CHRNA9: variants seen among roughly 807,000 people sequenced by gnomAD.
CHRNA9 encodes cholinergic receptor nicotinic alpha 9 subunit.
In CHRNA9, 24 loss-of-function variants were observed where a neutral mutation model predicts 36.8. The ratio of observed to expected loss-of-function variants is 0.65; its 90% CI spans 0.47 to 0.92. CHRNA9 has a LOEUF of 0.92. Ranked by LOEUF, CHRNA9 falls within the 40% of genes least tolerant of loss-of-function variation. CHRNA9 has a pLI of 0.00. For synonymous variants in CHRNA9, 231 were observed against 231.8 expected (o/e 1.00, Z 0.03); for missense variants, 610 against 601.2 (o/e 1.01, Z -0.15).
chr4:40,339,629 G>T (rs1203458528), intron 3 of CHRNA9, among the ~76,000 whole-genome samples: 3 of 139,604 alleles, frequency 2.1e-5, no homozygotes, highest in Non-Finnish European at 3.0e-5. Flanking sequence ...TCGCGCTCCA[G>T]TCCAGCCTGG....
chr4:40,349,945 T>C (rs1316603625), intron 4 of CHRNA9: 1 of 156,608 alleles, frequency 6.4e-6, no homozygotes, highest in East Asian at 1.9e-4. Context: ...GGCAAGTTAC[T>C]TGTTCTCTTA....
chr4:40,353,897 G>C (rs1712870973), intron 4 of CHRNA9, 82 bp from the exon 5 acceptor site: 1 of 1,225,260 alleles, frequency 8.2e-7, no homozygotes. Context: ...TTCTCAGAAT[G>C]TATCCCTGTT....
At chr4:40,340,691 C>T (rs758301722) in intron 3 of CHRNA9, among the ~76,000 whole-genome samples, 1 of 152,068 alleles carries the variant, frequency 6.6e-6, no homozygotes, top group Non-Finnish European at 1.5e-5. Context: ...GATAAAGACA[C>T]TCAGGCAGGA....
At chr4:40,350,605 A>G (rs1712772414) in intron 4 of CHRNA9, among the ~76,000 whole-genome samples, 1 of 151,718 alleles carries the variant, frequency 6.6e-6, no homozygotes. Flanking sequence ...TTTACTCTTT[A>G]CTGAGTCCAG....
At chr4:40,339,051 G>T (rs1367961190) in intron 3 of CHRNA9, among the ~76,000 whole-genome samples, 1 of 152,134 alleles carries the variant, frequency 6.6e-6, no homozygotes, top group Non-Finnish European at 1.5e-5. Context: ...GCCAAGGCAG[G>T]TGGATCGCCT....
At chr4:40,336,549 TCA>T (rs1264664569) in intron 2 of CHRNA9, among the ~76,000 whole-genome samples, 3 of 152,122 alleles carry the variant, frequency 2.0e-5, no homozygotes. Flanking sequence ...TGATCTCCGC[TCA>T]CTGTAAGCTC....
intron 3 of CHRNA9, among the ~76,000 whole-genome samples, chr4:40,342,856 G>A (rs1712535849): frequency 6.6e-6 from 1 of 152,040 alleles, no homozygotes; most frequent in African/African-American, 2.4e-5. Flanking sequence ...GAGGGACCAA[G>A]GGAGGCAAAA....
At chr4:40,343,111 T>C (rs1712547413) in intron 3 of CHRNA9, among the ~76,000 whole-genome samples, 1 of 152,226 alleles carries the variant, frequency 6.6e-6, no homozygotes, top group South Asian at 2.1e-4. Flanking sequence ...TTTACCAGCC[T>C]GCTCCTCTCC....
chr4:40,352,791 G>A (rs1712839248), intron 4 of CHRNA9, among the ~76,000 whole-genome samples: 1 of 151,790 alleles, frequency 6.6e-6, no homozygotes, highest in African/African-American at 2.4e-5. Context: ...ATCACATTTT[G>A]AAGACTAATA....
intron 4 of CHRNA9, 111 bp from the exon 5 acceptor site, chr4:40,353,868 C>A: frequency 1.0e-6 from 1 of 1,004,066 alleles, no homozygotes; most frequent in Non-Finnish European, 1.5e-6. Flanking sequence ...ACAGCAAAAT[C>A]ACCTAATGAC....
chr4:40,352,779 TA>T (rs1283531345), intron 4 of CHRNA9, among the ~76,000 whole-genome samples: 2 of 152,342 alleles, frequency 1.3e-5, no homozygotes, highest in African/African-American at 4.8e-5. Flanking sequence ...GTGCTTTATA[TA>T]ATCACATTTT....
At position 40,349,316 on chromosome 4, in the gene CHRNA9, A is replaced by G. The variant is rs1712729748; in HGVS notation, c.800A>G (p.Glu267Gly). 5 of 1,614,092 alleles carry G rather than the reference A, an allele frequency of 3.1e-6. No individual in the cohort carries two copies. Among genetic ancestry groups the G allele is most frequent in the Non-Finnish European group, 4.2e-6 (5 of 1,179,982 alleles). ...TTTTATCTCCCAGCAGCCTCCGGAGAAAAGGTCTCCCTGGGAGTGACCATC... is the reference window on the plus strand; with the variant it reads ...TTTTATCTCCCAGCAGCCTCCGGAGGAAAGGTCTCCCTGGGAGTGACCATC... Reference protein sequence around the residue: ...LSFYLPAASGEKVSLGVTILL... With the variant: ...LSFYLPAASGGKVSLGVTILL... Residue 267 changes from glutamate (E) to glycine (G), a missense_variant, in exon 4 of 5, where the codon GAA becomes GGA. Coordinates refer to ENST00000310169, the MANE Select transcript of CHRNA9 (RefSeq NM_017581.4).
intron 3 of CHRNA9, among the ~76,000 whole-genome samples, chr4:40,346,230 G>A (rs567036684): frequency 6.6e-6 from 1 of 152,264 alleles, no homozygotes; most frequent in African/African-American, 2.4e-5. Context: ...GGTTATCTTC[G>A]GCTGGATGTG....
chr4:40,353,209 A>G (rs1037666618), intron 4 of CHRNA9, among the ~76,000 whole-genome samples: 9 of 152,274 alleles, frequency 5.9e-5, no homozygotes, highest in East Asian at 5.8e-4. Flanking sequence ...TCTATACTAT[A>G]GCCCGGCGCG....
intron 4 of CHRNA9, among the ~76,000 whole-genome samples, chr4:40,352,044 G>GT (rs1712816379): frequency 6.6e-6 from 1 of 152,116 alleles, no homozygotes; most frequent in African/African-American, 2.4e-5. Flanking sequence ...GGAACTATTT[G>GT]TTTCTTGAAA....
At chr4:40,337,493 C>A (rs1424260095) in intron 3 of CHRNA9, 129 bp downstream of exon 3, 2 of 1,026,894 alleles carry the variant, frequency 1.9e-6, no homozygotes, top group African/African-American at 1.6e-5. Context: ...CTAGGACTTA[C>A]TGAAATAAGA....
At position 40,335,935 on chromosome 4, in the gene CHRNA9, T is replaced by C; in HGVS notation, c.173T>C (p.Val58Ala). The change falls in exon 2 of 5, where the codon GTG becomes GCG. Residue 58 changes from valine to alanine, a missense_variant. Coordinates refer to ENST00000310169, the MANE Select transcript of CHRNA9 (RefSeq NM_017581.4). ...PVEDTDKVLN[V>A]TLQITLSQIK... ...GAAGATACAGATAAAGTCCTGAATG[T>C]GACCCTGCAGATTACGCTCTCTCAG... 6.2e-7 allele frequency: 1 copy of C among 1,613,078 alleles called. No individual in the cohort carries two copies. The highest frequency in any genetic ancestry group is 8.5e-7 in the Non-Finnish European group (1 of 1,178,958).
chr4:40,338,888 C>T (rs912903871), intron 3 of CHRNA9, among the ~76,000 whole-genome samples: 1 of 136,194 alleles, frequency 7.3e-6, no homozygotes, highest in Non-Finnish European at 1.5e-5. Context: ...CTCCCTCTCT[C>T]TCTCACACAC....
intron 3 of CHRNA9, among the ~76,000 whole-genome samples, chr4:40,346,402 T>C (rs770853899): frequency 2.0e-5 from 3 of 152,214 alleles, no homozygotes; most frequent in Non-Finnish European, 4.4e-5. Context: ...TCTTAAACTC[T>C]CCTCAGGTTA....
Sources: gnomAD v4.1 joint callset for allele counts (sites outside exome capture counted in the v4.1 genomes callset) on GRCh38, gnomAD v4.1.1 for gene constraint, MANE v1.5 for transcripts, NCBI Gene and HGNC (gene_info 2026-07-23, HGNC 2026-07-21) for gene names.